The following PIWIL1 variants were observed in gnomAD, a reference collection of about 807,000 sequenced individuals.
The protein encoded by PIWIL1 is piwi-like protein 1.
A neutral mutation model predicts 114.4 loss-of-function variants in PIWIL1; 73 were observed. That is an observed-to-expected ratio of 0.64 (90% CI 0.53 to 0.78). The LOEUF (loss-of-function observed/expected upper bound fraction) is 0.78, where lower values mean the gene tolerates loss of function less well. Ranked by LOEUF, PIWIL1 falls within the 30% of genes least tolerant of loss-of-function variation. The pLI is 0.00. For missense variants in PIWIL1, 723 were observed against 1,063.1 expected (o/e 0.68, Z 4.45); for synonymous variants, 375 against 369.0 (o/e 1.02, Z -0.19).
intron 14 of PIWIL1, among the ~76,000 whole-genome samples, chr12:130,358,830 G>A (rs1565950600): frequency 6.6e-6 from 1 of 152,162 alleles, no homozygotes; most frequent in Non-Finnish European, 1.5e-5. Context: ...CGTTCCTGTC[G>A]CGTCCCCAGC....
At chr12:130,342,042 A>G (rs1287855242) in intron 1 of PIWIL1, among the ~76,000 whole-genome samples, 1 of 152,190 alleles carries the variant, frequency 6.6e-6, no homozygotes, top group African/African-American at 2.4e-5. Context: ...TAGTTTGGGT[A>G]TGTTCAGTGT....
the PIWIL1 span, chr12:130,399,092 G>A: frequency 2.0e-5 from 26 of 1,317,452 alleles, no homozygotes; most frequent in South Asian, 9.5e-5. Context: ...TATCTTTATC[G>A]GTATCTTCAG....
rs1478282857 is a variant in PIWIL1 at position 130,342,982 on chromosome 12, A to G, written c.79-8A>G. The G allele has an allele frequency of 1.2e-6, 2 of 1,603,582 alleles. No individual in the cohort carries two copies. The highest frequency in any genetic ancestry group is 2.2e-5 in the South Asian group (2 of 90,836). ...AAAAGAATGTTCTTTATTTGCATGT[A>G]ACTACAGAGTCAGCAACCTGGTTAT... On this transcript the variant is annotated splice_polypyrimidine_tract_variant and splice_region_variant and intron_variant, in intron 2 of 20. Transcript: ENST00000245255.
the PIWIL1 span, chr12:130,383,858 A>AT: frequency 6.6e-6 from 1 of 152,248 alleles, no homozygotes; most frequent in Admixed American, 6.5e-5. Flanking sequence ...AATCTCTGTC[A>AT]TTCTGCAGAA....
the PIWIL1 span, among the ~76,000 whole-genome samples, chr12:130,388,287 T>C: frequency 6.6e-6 from 1 of 152,110 alleles, no homozygotes; most frequent in Admixed American, 6.6e-5. Context: ...CTTCTTTTTT[T>C]CCACTGATCT....
At chr12:130,390,432 T>C in the PIWIL1 span, among the ~76,000 whole-genome samples, 5 of 152,250 alleles carry the variant, frequency 3.3e-5, no homozygotes, top group African/African-American at 1.2e-4. Context: ...CAGGCCAGCG[T>C]CATAAAAATA....
chr12:130,364,695 G>A (rs960028300), intron 18 of PIWIL1, among the ~76,000 whole-genome samples: 2 of 152,120 alleles, frequency 1.3e-5, no homozygotes, highest in Admixed American at 6.5e-5. Context: ...GTTGTTCTCT[G>A]ACTTGGCCTT....
chr12:130,340,700 C>T (rs977522170), intron 1 of PIWIL1, among the ~76,000 whole-genome samples: 2 of 150,792 alleles, frequency 1.3e-5, no homozygotes, highest in Non-Finnish European at 2.9e-5. Context: ...CTGCTGGGGA[C>T]GCTGCCTGTA....
Position 130,368,399 on chromosome 12 carries a change from A to AAT in PIWIL1, c.2321+1143_2321+1144dup, listed in dbSNP as rs200249082. ...ATAGCGACTTTAGGTGGAAAATGAT[A>AAT]ATAGCATACAGAGTTTAGTCTTATC... On this transcript the variant is annotated intron_variant, in intron 19 of 20. Transcript: ENST00000245255. 5.3e-4 allele frequency among the ~76,000 whole-genome samples: 81 copies of AAT among 152,256 alleles called. 1 individual carries two copies. In the East Asian group the frequency reaches 0.015, roughly 28 times the overall value.
chr12:130,389,423 C>A, the PIWIL1 span, among the ~76,000 whole-genome samples: 2 of 151,840 alleles, frequency 1.3e-5, no homozygotes, highest in Non-Finnish European at 2.9e-5. Context: ...TGAAGTTTTT[C>A]TTATGGAAAA....
the PIWIL1 span, chr12:130,399,684 T>C: frequency 6.2e-7 from 1 of 1,614,178 alleles, no homozygotes; most frequent in South Asian, 1.1e-5. Flanking sequence ...CTTACCCTTT[T>C]TGCCTTTGAG....
chr12:130,349,478 C>A (rs567050397), intron 8 of PIWIL1, 42 bp downstream of exon 8: 3 of 1,345,846 alleles, frequency 2.2e-6, no homozygotes, highest in South Asian at 1.2e-5. Flanking sequence ...TTTTGTGAGT[C>A]AAAGTATTGT....
intron 18 of PIWIL1, chr12:130,366,732 T>C (rs78929380): frequency 6.1e-6 from 1 of 162,660 alleles, no homozygotes; most frequent in Non-Finnish European, 1.3e-5. Flanking sequence ...TGAAAAGCAC[T>C]ACTTAAATCC....
chr12:130,419,810 C>T, the PIWIL1 span: 1 of 152,024 alleles, frequency 6.6e-6, no homozygotes, highest in East Asian at 1.9e-4. This position sits in a 1 kb window ranked among gnomAD's most constrained non-coding sequence, Gnocchi z 4.3. Context: ...TCTGACAGGT[C>T]AACAACTAGA....
chr12:130,354,920 G>A lies in PIWIL1; in HGVS notation c.1204G>A (p.Val402Met), dbSNP rs778109943. The change falls in exon 11 of 21, where the codon GTG (valine) becomes ATG (methionine). Residue 402 changes from valine to methionine, a missense_variant. Physicochemically the swap from Val to Met is conservative, Grantham distance 21. Coordinates refer to ENST00000245255, the MANE Select transcript of PIWIL1 (RefSeq NM_004764.5). ...LTDKMRNDFN[V>M]MKDLAVHTRL... ...TGATAAAATGCGTAATGATTTTAACGTGATGAAAGACTTAGCCGTTCATAC... is the reference window on the plus strand; with the variant it reads ...TGATAAAATGCGTAATGATTTTAACATGATGAAAGACTTAGCCGTTCATAC... The A allele has an allele frequency of 1.4e-5, 22 of 1,613,322 alleles. No individual in the cohort carries two copies. The highest frequency in any genetic ancestry group is 5.0e-5 in the Admixed American group (3 of 59,974).
In PIWIL1 at chr12:130,342,995, G is replaced by C. The variant is rs2072966970; in HGVS notation, c.84G>C (p.Gln28His). ...TAQLVGSTAS[Q>H]QPGYIQPRPQ... The stretch of plus-strand genomic sequence containing the variant: ...TTATTTGCATGTAACTACAGAGTCA[G>C]CAACCTGGTTATATTCAGCCTAGGC... The change falls in exon 3 of 21, where the codon CAG (glutamine) becomes CAC (histidine). Residue 28 changes from glutamine to histidine, a missense_variant. Gln to His is a conservative substitution (Grantham distance 24). This residue lies in a region of PIWIL1 where 91 missense variants were observed against 76.2 expected (regional missense o/e 1.19). Coordinates refer to ENST00000245255, the MANE Select transcript of PIWIL1 (RefSeq NM_004764.5). 6.2e-7 allele frequency: 1 copy of C among 1,612,974 alleles called. No homozygotes were observed.
the PIWIL1 span, among the ~76,000 whole-genome samples, chr12:130,418,542 G>T: frequency 6.6e-6 from 1 of 152,146 alleles, no homozygotes; most frequent in Non-Finnish European, 1.5e-5. Context: ...TCTAGTGAAT[G>T]CAGTTCCAGG....
chr12:130,348,906 TAAAA>T (rs984334597), intron 7 of PIWIL1, among the ~76,000 whole-genome samples: 2 of 151,772 alleles, frequency 1.3e-5, no homozygotes, highest in African/African-American at 2.4e-5. Flanking sequence ...AATAAATAAA[TAAAA>T]AACAAAATAT....
intron 17 of PIWIL1, 50 bp downstream of exon 17, chr12:130,362,886 A>G (rs762370318): frequency 6.2e-7 from 1 of 1,610,882 alleles, no homozygotes; most frequent in Non-Finnish European, 8.5e-7. Context: ...GGGGTCTTCC[A>G]GAAATTACCC....
Sources: allele counts gnomAD v4.1 joint callset (sites outside exome capture counted in the v4.1 genomes callset), GRCh38; gene constraint gnomAD v4.1.1; regional missense constraint gnomAD v4.1.1; non-coding constraint Gnocchi (gnomAD v3.1); transcripts MANE v1.5; gene names NCBI Gene and HGNC (gene_info 2026-07-23, HGNC 2026-07-21).